Variants in HOXD13 observed in about 807,000 individuals in gnomAD.
HOXD13 encodes homeobox protein Hox-D13.
A neutral mutation model predicts 27.3 loss-of-function variants in HOXD13; 16 were observed. The ratio of observed to expected loss-of-function variants is 0.59; its 90% CI spans 0.40 to 0.89. The LOEUF (loss-of-function observed/expected upper bound fraction) is 0.89, where lower values mean the gene tolerates loss of function less well. HOXD13 is among the 40% of genes least tolerant of loss of function. The pLI, the probability that HOXD13 is intolerant of heterozygous loss-of-function variation, is 0.00. For missense variants in HOXD13, 481 were observed against 482.6 expected (o/e 1.00, Z 0.03); for synonymous variants, 241 against 219.0 (o/e 1.10, Z -0.89).
rs1689389956 is a variant in HOXD13 at position 176,094,860 on chromosome 2, T to C, written c.*130T>C. The stretch of plus-strand genomic sequence containing the variant: ...TGGTGGCAAATTTTGTGAATTGTTT[T>C]TCTCTCTTCCCCTTATCTGGCTCTA... On this transcript the variant is annotated 3_prime_UTR_variant, in exon 2 of 2. Coordinates refer to ENST00000392539, the MANE Select transcript of HOXD13 (RefSeq NM_000523.4). 1.3e-6 allele frequency: 1 copy of C among 777,244 alleles called. No homozygotes were observed. The highest frequency in any genetic ancestry group is 2.6e-5 in the East Asian group (1 of 37,896). The allele number at this position is 777,244 out of a possible 1,614,324, so 48.1% of individuals were successfully genotyped here. A position where few individuals can be genotyped will look rare whatever the true frequency, so the allele number is the denominator to read the frequency against.
chr2:176,091,813 C>G (rs1689323436), upstream of HOXD13, among the ~76,000 whole-genome samples: 3 of 151,522 alleles, frequency 2.0e-5, no homozygotes, highest in Admixed American at 1.3e-4. Flanking sequence ...AATGCGAGGC[C>G]GGTCGGCTGC....
upstream of HOXD13, among the ~76,000 whole-genome samples, chr2:176,090,825 C>T (rs1689308551): frequency 6.6e-6 from 1 of 152,190 alleles, no homozygotes. Context: ...CATAAAGACC[C>T]AGCCAAACCC....
upstream of HOXD13, among the ~76,000 whole-genome samples, chr2:176,092,289 A>T (rs894852602): frequency 6.6e-6 from 1 of 152,216 alleles, no homozygotes; most frequent in African/African-American, 2.4e-5. Flanking sequence ...CATCATTCTG[A>T]TCATCTCTGT....
Position 176,094,011 on chromosome 2 carries a change from A to G in HOXD13, c.781+340A>G, listed in dbSNP as rs188378193. Among the ~76,000 whole-genome samples the G allele has an allele frequency of 1.1e-3, 161 of 152,232 alleles. 1 individual carries two copies. Among genetic ancestry groups the G allele is most frequent in the Non-Finnish European group, 1.9e-3 (131 of 68,010 alleles). On this transcript the variant is annotated intron_variant, in intron 1 of 1. Transcript: ENST00000392539. ...AAACCTGACAGAGTTGGGTCCCCCC[A>G]TTTTCAAAGACATCACTGCCCCAAG...
rs369717765 is a variant in HOXD13 at position 176,093,231 on chromosome 2, C to T, written c.341C>T (p.Ala114Val). The T allele has an allele frequency of 6.2e-7, 1 of 1,609,560 alleles. No individual in the cohort carries two copies. The highest frequency in any genetic ancestry group is 1.7e-5 in the Admixed American group (1 of 59,862). ...GAGTGCCCAGCACCCACGCCTGCAG[C>T]GGCCGCTGCAGCGCCCCCGAGCGCT... The part of the protein sequence containing the change: ...AKECPAPTPA[A>V]AAAAPPSAPA... Residue 114 changes from alanine (A) to valine (V), a missense_variant, in exon 1 of 2, where the codon GCG becomes GTG. Coordinates refer to ENST00000392539, the MANE Select transcript of HOXD13 (RefSeq NM_000523.4).
chr2:176,088,785 G>A (rs372613309), upstream of HOXD13, among the ~76,000 whole-genome samples: 15 of 152,202 alleles, frequency 9.9e-5, no homozygotes, highest in East Asian at 1.9e-3. Flanking sequence ...TTGAAATGTC[G>A]GATAAAACTT....
Position 176,093,180 on chromosome 2 carries a change from C to T in HOXD13, c.290C>T (p.Ala97Val), listed in dbSNP as rs562638200. 1.2e-6 allele frequency: 2 copies of T among 1,608,612 alleles called. No individual in the cohort carries two copies. The highest frequency in any genetic ancestry group is 2.2e-5 in the East Asian group (1 of 44,812). ...TCGTCCTCTTCTGCCGTTGTAGCGG[C>T]GCGCCCGGAGGCTCCCCCAGCCAAA... ...SSSSSSAVVA[A>V]RPEAPPAKEC... The change falls in exon 1 of 2, where the codon GCG becomes GTG. Residue 97 changes from alanine to valine, a missense_variant. By Grantham distance (64) the Ala-to-Val change is moderately conservative. Transcript: ENST00000392539.
chr2:176,094,000 T>C (rs1689374303), intron 1 of HOXD13, among the ~76,000 whole-genome samples: 1 of 152,210 alleles, frequency 6.6e-6, no homozygotes, highest in Non-Finnish European at 1.5e-5. Context: ...CTGACAGAGT[T>C]GGGTCCCCCC....
chr2:176,094,298 T>C (rs1007339082), intron 1 of HOXD13, among the ~76,000 whole-genome samples, 182 bp from the exon 2 acceptor site: 6 of 152,018 alleles, frequency 3.9e-5, no homozygotes, highest in Non-Finnish European at 8.8e-5. Flanking sequence ...TAATCCTTCT[T>C]TAATAACAGG....
In HOXD13 at chr2:176,093,104, T is replaced by C. The variant is rs765227186; in HGVS notation, c.214T>C (p.Ser72Pro). The change falls in exon 1 of 2, where the codon TCC (serine) becomes CCC (proline). Residue 72 changes from serine to proline, a missense_variant. Transcript: ENST00000392539. ...GGCTGCGGCGGCGGCGGCGGCAGCC[T>C]CCGGCTTTGCGTACCCCGGGACCTC... ...AAAAAAAAAA[S>P]GFAYPGTSER... 3 of 1,532,012 alleles carry C rather than the reference T, an allele frequency of 2.0e-6. No individual in the cohort carries two copies. Among genetic ancestry groups the C allele is most frequent in the Non-Finnish European group, 2.6e-6 (3 of 1,150,536 alleles). 94.9% of individuals were successfully genotyped at this position (1,532,012 alleles called of 1,614,324 possible).
the HOXD13 span, among the ~76,000 whole-genome samples, chr2:176,087,641 C>T: frequency 6.6e-6 from 1 of 152,160 alleles, no homozygotes; most frequent in Non-Finnish European, 1.5e-5. Flanking sequence ...GTCAAATGTT[C>T]CGGGTGGTTT....
rs1266860217 is a variant in HOXD13, at chr2:176,094,527, A to T, written c.829A>T (p.Arg277Trp). 1 of 1,614,030 alleles carries T rather than the reference A, an allele frequency of 6.2e-7. No individual in the cohort carries two copies. The highest frequency in any genetic ancestry group is 1.7e-5 in the Admixed American group (1 of 60,008). Residue 277 changes from arginine (R) to tryptophan (W), a missense_variant, in exon 2 of 2, where the codon AGG (arginine) becomes TGG (tryptophan). Arg to Trp is a moderately radical substitution (Grantham distance 101, BLOSUM62 -3). Coordinates refer to ENST00000392539, the MANE Select transcript of HOXD13 (RefSeq NM_000523.4). ...GGACATGTGCGTCTACCGAAGAGGGAGGAAGAAGAGAGTGCCTTACACCAA... is the reference window on the plus strand; with the variant it reads ...GGACATGTGCGTCTACCGAAGAGGGTGGAAGAAGAGAGTGCCTTACACCAA... ...QPDMCVYRRG[R>W]KKRVPYTKLQ...
Position 176,093,528 on chromosome 2 carries a change from T to A in HOXD13, c.638T>A (p.Phe213Tyr). The change falls in exon 1 of 2, where the codon TTC becomes TAC. Residue 213 changes from phenylalanine to tyrosine, a missense_variant. Phe to Tyr is a conservative substitution (Grantham distance 22, BLOSUM62 3). Coordinates refer to ENST00000392539, the MANE Select transcript of HOXD13 (RefSeq NM_000523.4). Reference protein sequence around the residue: ...VPGYIDMVSTFGSGEPRHEAY... With the variant: ...VPGYIDMVSTYGSGEPRHEAY... ...GGCTATATCGACATGGTGTCCACTT[T>A]CGGCTCCGGGGAGCCTCGGCACGAG... is the stretch of plus-strand genomic sequence containing the variant. The A allele has an allele frequency of 6.2e-7, 1 of 1,613,994 alleles. No individual in the cohort carries two copies. Among genetic ancestry groups the A allele is most frequent in the South Asian group, 1.1e-5 (1 of 91,084 alleles).
chr2:176,093,708 G>T, intron 1 of HOXD13, 37 bp downstream of exon 1: 3 of 1,367,720 alleles, frequency 2.2e-6, no homozygotes, highest in Non-Finnish European at 3.0e-6. Context: ...ACACGAGGGA[G>T]GGGGAGAGAG....
Position 176,094,877 on chromosome 2 carries a change from C to T in HOXD13, c.*147C>T. 1 of 694,102 alleles carries T rather than the reference C, an allele frequency of 1.4e-6. No homozygotes were observed. The highest frequency in any genetic ancestry group is 1.7e-5 in the South Asian group (1 of 58,716). 43.0% of individuals were successfully genotyped at this position (694,102 alleles called of 1,614,324 possible). ...AATTGTTTTTCTCTCTTCCCCTTATCTGGCTCTAAAACCTTCTGCTGCCCA... is the reference window on the plus strand; with the variant it reads ...AATTGTTTTTCTCTCTTCCCCTTATTTGGCTCTAAAACCTTCTGCTGCCCA... On this transcript the variant is annotated 3_prime_UTR_variant, in exon 2 of 2. Transcript: ENST00000392539.
At chr2:176,088,609 C>T (rs992384757), upstream of HOXD13, among the ~76,000 whole-genome samples, 2 of 152,132 alleles carry the variant, frequency 1.3e-5, no homozygotes, top group African/African-American at 4.8e-5. Context: ...TTTGCCCTGC[C>T]GGTAAGGACA....
In HOXD13 at chr2:176,094,540, T is replaced by G; in HGVS notation, c.842T>G (p.Val281Gly). ...CVYRRGRKKR[V>G]PYTKLQLKEL... ...TACCGAAGAGGGAGGAAGAAGAGAG[T>G]GCCTTACACCAAACTGCAGCTTAAA... is the stretch of plus-strand genomic sequence containing the variant. Residue 281 changes from valine to glycine, a missense_variant, in exon 2 of 2, where the codon GTG (valine) becomes GGG (glycine). By Grantham distance (109) the Val-to-Gly change is moderately radical (BLOSUM62 -3). Transcript: ENST00000392539. The G allele has an allele frequency of 6.2e-7, 1 of 1,613,812 alleles. No homozygotes were observed. The highest frequency in any genetic ancestry group is 8.5e-7 in the Non-Finnish European group (1 of 1,179,834).
chr2:176,093,157 G>T lies in HOXD13; in HGVS notation c.267G>T (p.Ser89=). 1.2e-6 allele frequency: 2 copies of T among 1,607,312 alleles called. No individual in the cohort carries two copies. Among genetic ancestry groups the T allele is most frequent in the Non-Finnish European group, 8.5e-7 (1 of 1,179,448 alleles). ...AGCGCACGGGCTCTTCCTCGTCGTC[G>T]TCCTCTTCTGCCGTTGTAGCGGCGC... The part of the protein sequence containing the change: ...TSERTGSSSS[S]SSSAVVAARP... Residue 89 remains serine, a synonymous_variant, in exon 1 of 2, where the codon TCG becomes TCT. Coordinates refer to ENST00000392539, the MANE Select transcript of HOXD13 (RefSeq NM_000523.4).
upstream of HOXD13, among the ~76,000 whole-genome samples, chr2:176,092,635 C>T (rs1315786248): frequency 2.0e-5 from 3 of 152,050 alleles, no homozygotes; most frequent in East Asian, 5.8e-4. Flanking sequence ...CGGGGGCCCT[C>T]GGGGCGGGAG....
Sources: allele counts gnomAD v4.1 joint callset (sites outside exome capture counted in the v4.1 genomes callset), GRCh38; gene constraint gnomAD v4.1.1; transcripts MANE v1.5; gene names NCBI Gene and HGNC (gene_info 2026-07-23, HGNC 2026-07-21).